The following DCAF1 variants were observed in gnomAD, a reference collection of about 807,000 sequenced individuals.
The protein encoded by DCAF1 is DDB1 and CUL4 associated factor 1.
In DCAF1, 15 loss-of-function variants were observed where a neutral mutation model predicts 128.0. The observed-to-expected ratio is 0.12, with a 90% CI of 0.08 to 0.18. The LOEUF (loss-of-function observed/expected upper bound fraction) is 0.18. Ranked by LOEUF, DCAF1 falls within the 10% of genes least tolerant of loss-of-function variation. DCAF1 has a pLI of 1.00. For synonymous variants in DCAF1, 610 were observed against 603.0 expected (o/e 1.01, Z -0.17); for missense variants, 988 against 1,649.5 (o/e 0.60, Z 6.95).
intron 23 of DCAF1, 139 bp downstream of exon 23, chr3:51,412,239 CA>C (rs1459582218): frequency 2.3e-5 from 25 of 1,085,568 alleles, no homozygotes; most frequent in Non-Finnish European, 3.1e-5. Flanking sequence ...TTTCAGTGAT[CA>C]AGGGTACATG....
chr3:51,414,518 C>A, intron 19 of DCAF1, 106 bp downstream of exon 19: 1 of 1,443,366 alleles, frequency 6.9e-7, no homozygotes, highest in Non-Finnish European at 9.3e-7. Flanking sequence ...CATATTATTA[C>A]CAGTGTGGAC....
chr3:51,505,454 C>A, the DCAF1 span, among the ~76,000 whole-genome samples: 1 of 152,102 alleles, frequency 6.6e-6, no homozygotes, highest in South Asian at 2.1e-4. Context: ...CCTGGGGTAC[C>A]CAGTTAGGCC....
At chr3:51,498,589 A>G (rs1181564736) in intron 1 of DCAF1, among the ~76,000 whole-genome samples, 1 of 152,060 alleles carries the variant, frequency 6.6e-6, no homozygotes, top group East Asian at 1.9e-4. Context: ...GAATAAAAAT[A>G]AAAAATTTTA....
chr3:51,472,971 C>T (rs1267469568), intron 3 of DCAF1, among the ~76,000 whole-genome samples: 2 of 150,614 alleles, frequency 1.3e-5, no homozygotes, highest in African/African-American at 4.9e-5. Context: ...GTTATTCATG[C>T]ATTATTTATA....
intron 23 of DCAF1, among the ~76,000 whole-genome samples, chr3:51,408,464 T>C (rs926198603): frequency 6.6e-6 from 1 of 152,190 alleles, no homozygotes; most frequent in African/African-American, 2.4e-5. Flanking sequence ...AAACTTTGAA[T>C]AGCAAATGAT....
intron 19 of DCAF1, 122 bp from the exon 20 acceptor site, chr3:51,414,165 G>C: frequency 7.6e-7 from 1 of 1,314,224 alleles, no homozygotes; most frequent in Non-Finnish European, 1.0e-6. Flanking sequence ...AAGTCAATGA[G>C]ATCAAGGTAA....
chr3:51,422,571 C>T (rs1553632883), intron 13 of DCAF1, 140 bp from the exon 14 acceptor site: 43 of 607,614 alleles, frequency 7.1e-5, no homozygotes, highest in Non-Finnish European at 9.3e-5. Flanking sequence ...GGCTCTATCT[C>T]AAGCTGTCGC....
At chr3:51,483,267 C>T (rs1210428482) in intron 3 of DCAF1, among the ~76,000 whole-genome samples, 1 of 151,030 alleles carries the variant, frequency 6.6e-6, no homozygotes, top group Non-Finnish European at 1.5e-5. Context: ...GGTGAAACCC[C>T]GTCTCTACTA....
chr3:51,477,225 A>C lies in DCAF1; in HGVS notation c.111-6220T>G, dbSNP rs185208572. The stretch of plus-strand genomic sequence containing the variant: ...TCTTACGAAACTGTCAAAAGATCAT[A>C]AAAAGGTCAATAAAAGAGCAGACAG... On this transcript the variant is annotated intron_variant, in intron 3 of 24. Transcript: ENST00000684031. 9.9e-5 allele frequency among the ~76,000 whole-genome samples: 15 copies of C among 152,228 alleles called. 1 individual carries two copies. The highest frequency in any genetic ancestry group is 6.2e-4 in the South Asian group (3 of 4,826).
intron 6 of DCAF1, among the ~76,000 whole-genome samples, chr3:51,460,029 T>C (rs1703365911): frequency 1.3e-5 from 2 of 152,116 alleles, no homozygotes; most frequent in South Asian, 2.1e-4. Flanking sequence ...CCACTCCTAT[T>C]CAACATAGCG....
intron 11 of DCAF1, 100 bp downstream of exon 11, chr3:51,429,933 C>A: frequency 1.5e-6 from 1 of 650,720 alleles, no homozygotes; most frequent in Non-Finnish European, 2.8e-6. Context: ...CAAAACTCCT[C>A]TAATCAGAAG....
intron 1 of DCAF1, among the ~76,000 whole-genome samples, chr3:51,497,655 T>G (rs1553661809): frequency 3.9e-5 from 6 of 152,038 alleles, no homozygotes; most frequent in Non-Finnish European, 8.8e-5. Context: ...TCCCAGCAAT[T>G]TGGGAAGCCA....
intron 10 of DCAF1, among the ~76,000 whole-genome samples, chr3:51,432,739 G>T (rs945841701): frequency 1.3e-5 from 2 of 152,096 alleles, no homozygotes; most frequent in African/African-American, 4.8e-5. Flanking sequence ...GATTACAGGC[G>T]TGAGCCACTG....
chr3:51,428,998 A>C (rs1553634810), intron 12 of DCAF1, among the ~76,000 whole-genome samples: 7 of 152,168 alleles, frequency 4.6e-5, no homozygotes. Context: ...GACGTATCTC[A>C]AAAAGAAAAA....
At chr3:51,504,634 C>A (rs1004621096), upstream of DCAF1, among the ~76,000 whole-genome samples, 2 of 152,166 alleles carry the variant, frequency 1.3e-5, no homozygotes, top group African/African-American at 4.8e-5. Flanking sequence ...AGGTGTGAAC[C>A]ACCATGCTTT....
At chr3:51,459,116 C>T (rs1281479611) in intron 6 of DCAF1, among the ~76,000 whole-genome samples, 1 of 152,180 alleles carries the variant, frequency 6.6e-6, no homozygotes, top group East Asian at 1.9e-4. Context: ...ATTAATGAAT[C>T]CAGGAGCTGG....
intron 6 of DCAF1, among the ~76,000 whole-genome samples, chr3:51,459,189 G>A (rs1271605115): frequency 2.0e-5 from 3 of 151,974 alleles, no homozygotes; most frequent in African/African-American, 7.2e-5. Flanking sequence ...AAGACAGAAG[G>A]ATCAAATAGA....
chr3:51,484,248 G>A (rs528939512), intron 2 of DCAF1, among the ~76,000 whole-genome samples: 108 of 152,134 alleles, frequency 7.1e-4, no homozygotes, highest in Non-Finnish European at 1.1e-3. Flanking sequence ...TGGGGCAGGT[G>A]GATCACCTGA....
At chr3:51,412,629 A>T in intron 22 of DCAF1, 149 bp from the exon 23 acceptor site, 1 of 1,368,474 alleles carries the variant, frequency 7.3e-7, no homozygotes, top group Admixed American at 2.4e-5. Context: ...TGAAAATGTT[A>T]TACCTAGGAC....
Sources: allele counts gnomAD v4.1 joint callset (sites outside exome capture counted in the v4.1 genomes callset), GRCh38; gene constraint gnomAD v4.1.1; transcripts MANE v1.5; gene names NCBI Gene and HGNC (gene_info 2026-07-23, HGNC 2026-07-21).